Variants in STRN observed in about 807,000 individuals in gnomAD.
The protein encoded by STRN is striatin, also known as protein phosphatase 2 regulatory subunit B'''alpha.
Under a neutral mutation model 96.3 loss-of-function variants are expected in STRN, and 53 were observed. The observed-to-expected ratio is 0.55, with a 90% CI of 0.44 to 0.69. STRN has a LOEUF of 0.69. STRN is among the 30% of genes least tolerant of loss of function. The pLI, the probability that STRN is intolerant of heterozygous loss-of-function variation, is 0.00. For missense variants in STRN, 987 were observed against 963.9 expected (o/e 1.02, Z -0.32); for synonymous variants, 428 against 355.9 (o/e 1.20, Z -2.28).
At chr2:36,951,494 T>C (rs1453093490) in intron 1 of STRN, among the ~76,000 whole-genome samples, 2 of 152,182 alleles carry the variant, frequency 1.3e-5, no homozygotes, top group Admixed American at 6.5e-5. Flanking sequence ...AAAACCAAAA[T>C]ATACTGTACA....
In STRN at chr2:36,931,369, A is replaced by G. The variant is rs75149085; in HGVS notation, c.235-6161T>C. 1.1e-3 allele frequency among the ~76,000 whole-genome samples: 165 copies of G among 152,328 alleles called. 1 individual carries two copies. In the East Asian group the frequency reaches 0.026, roughly 24 times the overall value. ...CTGCTGTAAAGGAGAATATAGGAAA[A>G]ACAAATAAAACCAAGTTTCTACCCA... On this transcript the variant is annotated intron_variant, in intron 1 of 17. Transcript: ENST00000263918.
At chr2:36,951,860 G>C (rs1214214467) in intron 1 of STRN, among the ~76,000 whole-genome samples, 1 of 152,214 alleles carries the variant, frequency 6.6e-6, no homozygotes, top group Non-Finnish European at 1.5e-5. Context: ...CATAGCAGGA[G>C]GTGAGCAGCA....
chr2:36,904,679 T>A (rs544852295), intron 4 of STRN, among the ~76,000 whole-genome samples: 7 of 151,720 alleles, frequency 4.6e-5, no homozygotes, highest in Non-Finnish European at 5.9e-5. Flanking sequence ...TACAAAAAAA[T>A]GAGACAGGCA....
chr2:36,894,098 T>C (rs1558641401), intron 6 of STRN, 65 bp from the exon 7 acceptor site: 8 of 1,534,708 alleles, frequency 5.2e-6, no homozygotes, highest in Non-Finnish European at 7.0e-6. Flanking sequence ...AATAAGAAAA[T>C]TCAATTATTT....
intron 12 of STRN, among the ~76,000 whole-genome samples, chr2:36,865,468 T>G (rs1668597340): frequency 6.6e-6 from 1 of 152,184 alleles, no homozygotes; most frequent in Non-Finnish European, 1.5e-5. Context: ...GTGTCTCAAT[T>G]TCATTCAGTT....
intron 16 of STRN, among the ~76,000 whole-genome samples, chr2:36,850,358 T>C (rs545395700): frequency 6.6e-6 from 1 of 152,246 alleles, no homozygotes; most frequent in African/African-American, 2.4e-5. Flanking sequence ...TAATATAGGG[T>C]GCTTTCCTCC....
At position 36,902,712 on chromosome 2, in the gene STRN, A is replaced by G. The variant is rs762409265; in HGVS notation, c.531T>C (p.Asp177=). Residue 177 remains aspartate, a synonymous_variant, in exon 5 of 18, where the codon GAT becomes GAC. Coordinates refer to ENST00000263918, the MANE Select transcript of STRN (RefSeq NM_003162.4). ...AAGCTCGCACTCGTTTAGATTTCAC[A>G]TCTAGAATAGTATCTGTATAACCCA... ...QEVGYTDTIL[D]VKSKRVRALL... is the part of the protein sequence containing the mutation. 3 of 1,610,478 alleles carry G rather than the reference A, an allele frequency of 1.9e-6. No homozygotes were observed. The South Asian group carries it at 3.3e-5, about 18-fold the overall frequency.
intron 2 of STRN, among the ~76,000 whole-genome samples, chr2:36,921,718 T>A (rs201638000): frequency 1.3e-5 from 2 of 148,312 alleles, no homozygotes; most frequent in Non-Finnish European, 3.0e-5. Context: ...ATGTGTCTAT[T>A]TCAGCAGCTA....
chr2:36,866,171 C>T (rs1356356275), intron 12 of STRN, among the ~76,000 whole-genome samples: 2 of 152,014 alleles, frequency 1.3e-5, no homozygotes, highest in African/African-American at 4.8e-5. Flanking sequence ...ACCTCCCGGG[C>T]TCAATTCATC....
At chr2:36,941,071 C>T (rs1019239189) in intron 1 of STRN, among the ~76,000 whole-genome samples, 5 of 152,080 alleles carry the variant, frequency 3.3e-5, no homozygotes, top group African/African-American at 1.2e-4. Context: ...GGAGGATGAC[C>T]TGAACCCAGG....
chr2:36,945,536 A>G (rs1670958036), intron 1 of STRN, among the ~76,000 whole-genome samples: 1 of 152,076 alleles, frequency 6.6e-6, no homozygotes, highest in African/African-American at 2.4e-5. Context: ...GTGTGGTGGC[A>G]TGCATCTGTA....
chr2:36,889,209 G>C (rs750960316), intron 7 of STRN, among the ~76,000 whole-genome samples: 2 of 152,112 alleles, frequency 1.3e-5, no homozygotes, highest in Non-Finnish European at 2.9e-5. Flanking sequence ...AATGATCCGA[G>C]TAAACCAAAG....
intron 1 of STRN, among the ~76,000 whole-genome samples, chr2:36,959,188 T>A (rs1664968759): frequency 6.6e-6 from 1 of 152,056 alleles, no homozygotes; most frequent in Non-Finnish European, 1.5e-5. Context: ...AGAGAAAATC[T>A]TAAATGCAAC....
At chr2:36,905,114 CAT>C (rs1449566094) in intron 4 of STRN, among the ~76,000 whole-genome samples, 2 of 151,984 alleles carry the variant, frequency 1.3e-5, no homozygotes, top group African/African-American at 4.8e-5. Flanking sequence ...GGATTACAGG[CAT>C]GTGCCACCAC....
In STRN at chr2:36,846,108, G is replaced by A. The variant is rs1572616304; in HGVS notation, c.*3348C>T. ...TTTGTTTTTGTTAAAAAGTCTGAAT[G>A]TTCAATGGAAATAGTTCAGTACTGA... On this transcript the variant is annotated 3_prime_UTR_variant, in exon 18 of 18. Coordinates refer to ENST00000263918, the MANE Select transcript of STRN (RefSeq NM_003162.4). The A allele has an allele frequency of 4.7e-5, 7 of 149,116 alleles. No individual in the cohort carries two copies. The South Asian group carries it at 1.5e-3, about 32-fold the overall frequency. 9.2% of individuals were successfully genotyped at this position (149,116 alleles called of 1,614,324 possible).
rs1332506497 is a variant in STRN at position 36,850,920 on chromosome 2, G to T, written c.2086+80C>A. ...TATTCCCTGACTACGAAACCACCAA[G>T]AGACACCAAAATTAGCCTACTTGTG... On this transcript the variant is annotated intron_variant, in intron 16 of 17. Coordinates refer to ENST00000263918, the MANE Select transcript of STRN (RefSeq NM_003162.4). The T allele has an allele frequency of 4.4e-6, 5 of 1,144,002 alleles. No homozygotes were observed. The East Asian group carries it at 1.3e-4, about 30-fold the overall frequency. The allele number at this position is 1,144,002 out of a possible 1,614,324, so 70.9% of individuals were successfully genotyped here.
intron 1 of STRN, among the ~76,000 whole-genome samples, chr2:36,951,649 T>C (rs1664754983): frequency 6.6e-6 from 1 of 152,310 alleles, no homozygotes; most frequent in Non-Finnish European, 1.5e-5. Context: ...TAACCTAATA[T>C]ATGATTCATT....
chr2:36,882,690 G>C (rs1241554383), intron 9 of STRN, among the ~76,000 whole-genome samples: 1 of 152,074 alleles, frequency 6.6e-6, no homozygotes, highest in Non-Finnish European at 1.5e-5. Flanking sequence ...TATCACCTGA[G>C]CCTGAGAGGT....
intron 1 of STRN, among the ~76,000 whole-genome samples, chr2:36,933,822 A>C (rs1253082314): frequency 6.6e-6 from 1 of 152,178 alleles, no homozygotes; most frequent in East Asian, 1.9e-4. Flanking sequence ...TTAAGAAAAA[A>C]AACTAGGCTG....
Sources: gnomAD v4.1 joint callset for allele counts (sites outside exome capture counted in the v4.1 genomes callset) on GRCh38, gnomAD v4.1.1 for gene constraint, MANE v1.5 for transcripts, NCBI Gene and HGNC (gene_info 2026-07-23, HGNC 2026-07-21) for gene names.